The following MYO10 variants were observed in gnomAD, a reference collection of about 807,000 sequenced individuals.
MYO10 encodes unconventional myosin-X.
In MYO10, 133 loss-of-function variants were observed where a neutral mutation model predicts 257.3. That is an observed-to-expected ratio of 0.52 (90% confidence interval 0.45 to 0.60). MYO10 has a LOEUF of 0.60. Among genes scored for constraint, MYO10 ranks in the 20% least tolerant of loss-of-function variants. MYO10 has a pLI of 0.00. For missense variants in MYO10, 2,399 were observed against 2,635.7 expected (o/e 0.91, Z 1.97); for synonymous variants, 1,104 against 1,028.6 (o/e 1.07, Z -1.40).
At chr5:16,903,346 A>G (rs1745438067) in intron 1 of MYO10, among the ~76,000 whole-genome samples, 1 of 152,214 alleles carries the variant, frequency 6.6e-6, no homozygotes, top group African/African-American at 2.4e-5. Context: ...CGGAGGTTGC[A>G]TGCAGCGAGC....
At chr5:16,888,805 G>A (rs995350076) in intron 1 of MYO10, among the ~76,000 whole-genome samples, 7 of 151,040 alleles carry the variant, frequency 4.6e-5, no homozygotes, top group Admixed American at 1.3e-4. Context: ...AAAGCACAGA[G>A]GTAAACTATG....
At chr5:16,691,248 C>T (rs1177618617) in intron 27 of MYO10, among the ~76,000 whole-genome samples, 4 of 139,218 alleles carry the variant, frequency 2.9e-5, no homozygotes, top group Non-Finnish European at 4.6e-5. Context: ...CCAACCTGGG[C>T]GAAAGAGTGA....
chr5:16,683,495 C>G (rs1003696585), intron 30 of MYO10, among the ~76,000 whole-genome samples: 3 of 152,198 alleles, frequency 2.0e-5, no homozygotes, highest in African/African-American at 7.2e-5. Context: ...AAATCCTTTT[C>G]AAGTTTATCG....
At chr5:16,816,900 A>C (rs1742634187) in intron 3 of MYO10, among the ~76,000 whole-genome samples, 1 of 150,510 alleles carries the variant, frequency 6.6e-6, no homozygotes. Context: ...GCTCACTGCA[A>C]CCTCTGCCTC....
rs1422156702 is a variant in MYO10 at position 16,877,655 on chromosome 5, T to C, written c.74A>G (p.Asn25Ser). ...GACGACGATGCCTTCTGCACAGGAA[T>C]TTACAGTACTTGGAAAATGCTGGCC... ...ENGQHFPSTV[N>S]SCAEGIVVFR... The change falls in exon 2 of 41, where the codon AAT (asparagine) becomes AGT (serine). Residue 25 changes from asparagine (N) to serine (S), a missense_variant. Asn to Ser is a conservative substitution (Grantham distance 46, BLOSUM62 1). Transcript: ENST00000513610. 3 of 1,613,748 alleles carry C rather than the reference T, an allele frequency of 1.9e-6. No individual in the cohort carries two copies. In the Admixed American group the frequency reaches 5.0e-5, roughly 27 times the overall value.
intron 3 of MYO10, among the ~76,000 whole-genome samples, chr5:16,807,505 G>A (rs542003001): frequency 5.3e-5 from 8 of 152,046 alleles, no homozygotes; most frequent in African/African-American, 1.7e-4. Flanking sequence ...TCCCCAAAAC[G>A]CATGCTTAAA....
At chr5:16,818,611 T>A (rs1390034580) in intron 2 of MYO10, among the ~76,000 whole-genome samples, 2 of 151,780 alleles carry the variant, frequency 1.3e-5, no homozygotes, top group Non-Finnish European at 2.9e-5. Flanking sequence ...TTTGCATTTT[T>A]TTTTTTTTTA....
rs779025136 is a variant in MYO10, at chr5:16,701,280, T to C, written c.3115A>G (p.Thr1039Ala). 5.0e-6 allele frequency: 8 copies of C among 1,613,674 alleles called. No individual in the cohort carries two copies. Among genetic ancestry groups the C allele is most frequent in the Non-Finnish European group, 6.8e-6 (8 of 1,179,836 alleles). Residue 1039 changes from threonine to alanine, a missense_variant, in exon 25 of 41, where the codon ACG becomes GCG. Thr to Ala is a moderately conservative substitution (Grantham distance 58, BLOSUM62 0). Around this residue, in one of 3 missense-constraint regions of MYO10, gnomAD observed 1,820 missense variants for 1,939.4 expected, o/e 0.94. Coordinates refer to ENST00000513610, the MANE Select transcript of MYO10 (RefSeq NM_012334.3). The surrounding 1 kb of genome is among the most constrained non-coding windows in gnomAD (Gnocchi z 8.1). Reference sequence around the variant, plus strand: ...GCACTGGGGCTGGTGGGCACCACCGTGTCGTTCATGTATGGGTCCTCCTCT... The same window carrying C: ...GCACTGGGGCTGGTGGGCACCACCGCGTCGTTCATGTATGGGTCCTCCTCT... The part of the protein sequence containing the change: ...SSEEDPYMND[T>A]VVPTSPSADS...
chr5:16,862,206 CA>C (rs1744125819), intron 2 of MYO10, among the ~76,000 whole-genome samples: 1 of 152,204 alleles, frequency 6.6e-6, no homozygotes, highest in Non-Finnish European at 1.5e-5. Context: ...GAACTCCAAA[CA>C]CACGTTTAAA....
At position 16,891,318 on chromosome 5, in the gene MYO10, GAAAAGGAAGGAAGGAA is replaced by G. The variant is rs1197552456; in HGVS notation, c.22-13627_22-13612del. ...TTGAAAGAGAGAGAAAAGGAGAAGAGAAAAGGAAGGAAGGAAGGAAGGAAGGAAGGAAGGAAGGAAG... is the reference window on the plus strand; with the variant it reads ...TTGAAAGAGAGAGAAAAGGAGAAGAGGGAAGGAAGGAAGGAAGGAAGGAAG... On this transcript the variant is annotated intron_variant, in intron 1 of 40. Coordinates refer to ENST00000513610, the MANE Select transcript of MYO10 (RefSeq NM_012334.3). Among the ~76,000 whole-genome samples the G allele has an allele frequency of 1.5e-4, 9 of 58,422 alleles. 1 individual carries two copies. Among genetic ancestry groups the G allele is most frequent in the Non-Finnish European group, 3.1e-4 (7 of 22,670 alleles). 38.3% of individuals were successfully genotyped at this position (58,422 alleles called of 152,430 possible).
chr5:16,932,444 CCTGGTTGAGCCTTTT>C (rs1415829690), intron 1 of MYO10, among the ~76,000 whole-genome samples: 2 of 152,212 alleles, frequency 1.3e-5, no homozygotes, highest in East Asian at 3.9e-4. Flanking sequence ...TTGCCCCTTT[CCTGGTTGAGCCTTTT>C]CTGTTTGCTT....
chr5:16,740,566 G>C (rs532547120), intron 19 of MYO10, among the ~76,000 whole-genome samples: 1 of 152,234 alleles, frequency 6.6e-6, no homozygotes, highest in South Asian at 2.1e-4. Flanking sequence ...CACCTCCCGG[G>C]AGGGAAGCCG....
At chr5:16,823,468 A>ATTTTTTTTTT (rs1173952251) in intron 2 of MYO10, among the ~76,000 whole-genome samples, 73 of 6,440 alleles carry the variant, frequency 0.011, 15 homozygotes, top group Admixed American at 0.023. Flanking sequence ...GGGAGTGGGG[A>ATTTTTTTTTT]TTTTTTTTTT....
intron 19 of MYO10, among the ~76,000 whole-genome samples, chr5:16,721,861 G>C (rs1199322150): frequency 6.6e-6 from 1 of 152,216 alleles, no homozygotes; most frequent in East Asian, 1.9e-4. Context: ...AGCTCTGGTT[G>C]TATCACAGCC....
Position 16,710,903 on chromosome 5 carries a change from CG to C in MYO10, c.2169+4del. On this transcript the variant is annotated splice_donor_region_variant and intron_variant, in intron 21 of 40. Coordinates refer to ENST00000513610, the MANE Select transcript of MYO10 (RefSeq NM_012334.3). ...GGTGGGAGTTGCTCTTTCTCCGCAT[CG>C]TACCTTGGTCTTCCCCAGCTGCCAC... 1 of 1,611,950 alleles carries C rather than the reference CG, an allele frequency of 6.2e-7. No homozygotes were observed. The highest frequency in any genetic ancestry group is 2.2e-5 in the East Asian group (1 of 44,822).
chr5:16,787,268 G>C (rs1434878625), intron 4 of MYO10, among the ~76,000 whole-genome samples: 1 of 152,116 alleles, frequency 6.6e-6, no homozygotes, highest in Non-Finnish European at 1.5e-5. Context: ...ACTCTACCAG[G>C]AGGTAAGTGG....
chr5:16,899,437 C>T (rs973560374), intron 1 of MYO10, among the ~76,000 whole-genome samples: 1 of 151,726 alleles, frequency 6.6e-6, no homozygotes, highest in Non-Finnish European at 1.5e-5. Flanking sequence ...AAGTTCGAGA[C>T]CAGCTTGCCC....
chr5:16,685,220 TTTG>T (rs1219397678), intron 29 of MYO10, among the ~76,000 whole-genome samples: 2 of 152,076 alleles, frequency 1.3e-5, no homozygotes, highest in African/African-American at 4.8e-5. Context: ...TTTATTCGTT[TTTG>T]TTGTTTGTTT....
At chr5:16,728,305 G>A (rs1176060229) in intron 19 of MYO10, among the ~76,000 whole-genome samples, 5 of 152,086 alleles carry the variant, frequency 3.3e-5, no homozygotes, top group Admixed American at 6.6e-5. Context: ...CTCCTTCTGC[G>A]GGCTGCCCTC....
Sources: gnomAD v4.1 joint callset for allele counts (sites outside exome capture counted in the v4.1 genomes callset) on GRCh38, gnomAD v4.1.1 for gene constraint, gnomAD v4.1.1 regional missense constraint, Gnocchi (gnomAD v3.1) non-coding constraint, MANE v1.5 for transcripts, NCBI Gene and HGNC (gene_info 2026-07-23, HGNC 2026-07-21) for gene names.